The following HS3ST4 variants were observed in gnomAD, a reference collection of about 807,000 sequenced individuals.
The protein encoded by HS3ST4 is heparan sulfate glucosamine 3-O-sulfotransferase 4.
In HS3ST4, 17 loss-of-function variants were observed where a neutral mutation model predicts 29.2. The ratio of observed to expected loss-of-function variants is 0.58; its 90% CI spans 0.40 to 0.87. The LOEUF is 0.87. Ranked by LOEUF, HS3ST4 falls within the 40% of genes least tolerant of loss-of-function variation. The pLI, the probability that HS3ST4 is intolerant of heterozygous loss-of-function variation, is 0.00. For synonymous variants in HS3ST4, 314 were observed against 285.7 expected (o/e 1.10, Z -1.00); for missense variants, 627 against 634.5 (o/e 0.99, Z 0.13).
intron 1 of HS3ST4, among the ~76,000 whole-genome samples, chr16:25,887,595 G>A (rs1402433753): frequency 6.6e-6 from 1 of 152,152 alleles, no homozygotes; most frequent in Non-Finnish European, 1.5e-5. Flanking sequence ...CACAAAGCTG[G>A]AGGCTCTGAA....
Position 26,136,133 on chromosome 16 carries a change from G to T in HS3ST4, c.1256G>T (p.Arg419Leu), listed in dbSNP as rs9930821. Residue 419 changes from arginine to leucine, a missense_variant, in exon 2 of 2, where the codon CGC (arginine) becomes CTC (leucine). Coordinates refer to ENST00000331351, the MANE Select transcript of HS3ST4 (RefSeq NM_006040.3). ...LGKSKGRTHP[R>L]IDPDVIHRLR... ...AAGAGCAAAGGTCGGACTCATCCTC[G>T]CATTGACCCAGATGTCATCCACAGA... 5.7e-3 allele frequency: 9,214 copies of T among 1,613,226 alleles called. 397 individuals are homozygous for T. The African/African-American group carries it at 0.097, about 17-fold the overall frequency.
chr16:25,832,680 CATT>C (rs1381943701), intron 1 of HS3ST4, among the ~76,000 whole-genome samples: 1 of 152,186 alleles, frequency 6.6e-6, no homozygotes, highest in Non-Finnish European at 1.5e-5. Context: ...GCAGCCTCGA[CATT>C]AGCATACATT....
intron 1 of HS3ST4, among the ~76,000 whole-genome samples, chr16:25,785,840 C>T (rs1033398522): frequency 5.3e-5 from 8 of 151,974 alleles, no homozygotes; most frequent in African/African-American, 1.7e-4. Flanking sequence ...TGGTAATGGG[C>T]GGTGCAGGGC....
At chr16:26,021,071 A>G (rs562202849) in intron 1 of HS3ST4, among the ~76,000 whole-genome samples, 1 of 152,324 alleles carries the variant, frequency 6.6e-6, no homozygotes, top group East Asian at 1.9e-4. Flanking sequence ...GAACATTTGG[A>G]GTTTGAAACA....
chr16:25,914,293 G>A (rs372349352), intron 1 of HS3ST4, among the ~76,000 whole-genome samples: 21 of 150,006 alleles, frequency 1.4e-4, no homozygotes, highest in East Asian at 1.4e-3. Context: ...GGGTGTGCAC[G>A]TATATGTGTA....
rs9921651 is a variant in HS3ST4, at chr16:25,861,574, G to C, written c.734+168423G>C. Among the ~76,000 whole-genome samples, 437 of 152,150 alleles carry C rather than the reference G, an allele frequency of 2.9e-3. 2 individuals carry two copies. Among genetic ancestry groups the C allele is most frequent in the African/African-American group, 9.8e-3 (408 of 41,494 alleles). On this transcript the variant is annotated intron_variant, in intron 1 of 1. Coordinates refer to ENST00000331351, the MANE Select transcript of HS3ST4 (RefSeq NM_006040.3). ...CATTTATGAAAAGCGCACCAAAAAG[G>C]ATAACAAATGAGAGTAATGCAACAT...
chr16:25,827,843 A>G (rs1285980372), intron 1 of HS3ST4, among the ~76,000 whole-genome samples: 5 of 152,132 alleles, frequency 3.3e-5, no homozygotes, highest in Admixed American at 3.3e-4. Flanking sequence ...GCTTCTGTGA[A>G]ATTATCCTCC....
chr16:25,826,722 G>T (rs760075507), intron 1 of HS3ST4, among the ~76,000 whole-genome samples: 1 of 152,200 alleles, frequency 6.6e-6, no homozygotes, highest in Non-Finnish European at 1.5e-5. Context: ...CAGTTGAATC[G>T]TCAAGTTGGA....
chr16:25,695,912 A>G (rs1299674961), intron 1 of HS3ST4, among the ~76,000 whole-genome samples: 2 of 152,202 alleles, frequency 1.3e-5, no homozygotes, highest in East Asian at 3.8e-4. Flanking sequence ...GAGAGCCAAG[A>G]AGAAATTGGG....
chr16:25,913,680 A>C (rs1968261462), intron 1 of HS3ST4, among the ~76,000 whole-genome samples: 1 of 152,164 alleles, frequency 6.6e-6, no homozygotes, highest in South Asian at 2.1e-4. Context: ...GGTTGAGAGA[A>C]AATGGAATGC....
At chr16:25,705,240 C>G (rs949756388) in intron 1 of HS3ST4, among the ~76,000 whole-genome samples, 2 of 152,186 alleles carry the variant, frequency 1.3e-5, no homozygotes, top group African/African-American at 4.8e-5. Flanking sequence ...GCACACCATT[C>G]CCTCCAGGTT....
intron 1 of HS3ST4, among the ~76,000 whole-genome samples, chr16:25,819,540 C>T (rs1325661521): frequency 2.0e-5 from 3 of 152,248 alleles, no homozygotes; most frequent in South Asian, 2.1e-4. Context: ...GTCTGTTTTG[C>T]GCTGGTGGTT....
chr16:25,704,704 C>T (rs1310165648), intron 1 of HS3ST4, among the ~76,000 whole-genome samples: 4 of 151,900 alleles, frequency 2.6e-5, no homozygotes, highest in Non-Finnish European at 5.9e-5. Context: ...ATGGTGAAAC[C>T]CCGTCTCTAC....
intron 1 of HS3ST4, among the ~76,000 whole-genome samples, chr16:25,950,074 A>G (rs536264445): frequency 5.9e-5 from 9 of 152,270 alleles, no homozygotes; most frequent in African/African-American, 1.9e-4. Flanking sequence ...CCTGTGTCTT[A>G]CCAGCTTGTG....
intron 1 of HS3ST4, among the ~76,000 whole-genome samples, chr16:26,039,202 A>G (rs749295419): frequency 8.5e-5 from 13 of 152,220 alleles, no homozygotes; most frequent in Non-Finnish European, 1.6e-4. Flanking sequence ...AAAAATGTAT[A>G]TAAGAAGTAC....
intron 1 of HS3ST4, among the ~76,000 whole-genome samples, chr16:25,831,247 A>G (rs1217899457): frequency 6.6e-6 from 1 of 152,074 alleles, no homozygotes; most frequent in Non-Finnish European, 1.5e-5. Flanking sequence ...ACTCACCAGT[A>G]TCTGAAATAA....
chr16:26,000,162 G>A (rs1281055678), intron 1 of HS3ST4, among the ~76,000 whole-genome samples: 1 of 151,894 alleles, frequency 6.6e-6, no homozygotes, highest in Non-Finnish European at 1.5e-5. Flanking sequence ...TTAAGTAACA[G>A]AAGAATTTAC....
chr16:25,864,053 C>A (rs6650558), intron 1 of HS3ST4, among the ~76,000 whole-genome samples: 1 of 152,110 alleles, frequency 6.6e-6, no homozygotes, highest in East Asian at 1.9e-4. Flanking sequence ...TCTGTGCACA[C>A]GCCCTCTTCT....
intron 1 of HS3ST4, among the ~76,000 whole-genome samples, chr16:26,045,400 A>G (rs945900826): frequency 5.3e-5 from 8 of 152,210 alleles, no homozygotes; most frequent in Non-Finnish European, 1.2e-4. Flanking sequence ...TATTTGACCG[A>G]AGAACTGCTT....
Sources: gnomAD v4.1 joint callset for allele counts (sites outside exome capture counted in the v4.1 genomes callset) on GRCh38, gnomAD v4.1.1 for gene constraint, MANE v1.5 for transcripts, NCBI Gene and HGNC (gene_info 2026-07-23, HGNC 2026-07-21) for gene names.